GALNT13: variants seen among roughly 807,000 people sequenced by gnomAD.
The protein encoded by GALNT13 is polypeptide N-acetylgalactosaminyltransferase 13.
Under a neutral mutation model 64.2 loss-of-function variants are expected in GALNT13, and 28 were observed. The observed-to-expected ratio is 0.44, with a 90% confidence interval of 0.32 to 0.60. The LOEUF (loss-of-function observed/expected upper bound fraction) is 0.60. GALNT13 is among the 20% of genes least tolerant of loss of function. GALNT13 has a pLI of 0.05. For synonymous variants in GALNT13, 214 were observed against 224.6 expected (o/e 0.95, Z 0.42); for missense variants, 577 against 669.8 (o/e 0.86, Z 1.53).
the GALNT13 span, among the ~76,000 whole-genome samples, chr2:153,453,190 A>G: frequency 6.6e-6 from 1 of 152,184 alleles, no homozygotes; most frequent in Admixed American, 6.5e-5. Flanking sequence ...AGGAAACACA[A>G]TTCTGGATGT....
chr2:153,397,414 A>G, the GALNT13 span, among the ~76,000 whole-genome samples: 1 of 152,128 alleles, frequency 6.6e-6, no homozygotes, highest in African/African-American at 2.4e-5. Flanking sequence ...AAGAGCCTCC[A>G]TGGCAGGATT....
At chr2:154,068,280 C>G (rs1700567998) in intron 3 of GALNT13, among the ~76,000 whole-genome samples, 1 of 152,016 alleles carries the variant, frequency 6.6e-6, no homozygotes, top group East Asian at 1.9e-4. Flanking sequence ...TAAATTAATA[C>G]AAGTACTATG....
chr2:154,342,084 G>C (rs1466937740), intron 9 of GALNT13, among the ~76,000 whole-genome samples: 1 of 152,036 alleles, frequency 6.6e-6, no homozygotes, highest in African/African-American at 2.4e-5. Flanking sequence ...TGTTCAGTTT[G>C]AGATGTATTC....
intron 2 of GALNT13, among the ~76,000 whole-genome samples, chr2:153,916,248 C>A (rs1689338141): frequency 6.6e-6 from 1 of 151,378 alleles, no homozygotes; most frequent in Non-Finnish European, 1.5e-5. Flanking sequence ...GCCTTGACCT[C>A]TTGTACTCAA....
intron 9 of GALNT13, among the ~76,000 whole-genome samples, chr2:154,312,200 A>T: frequency 6.6e-5 from 1 of 15,202 alleles, no homozygotes; most frequent in Non-Finnish European, 3.5e-3. Flanking sequence ...AGGCATAAGA[A>T]ATTACAAAAG....
At chr2:153,875,745 ATAGAATTAAGCC>A (rs1382128431) in intron 1 of GALNT13, among the ~76,000 whole-genome samples, 1 of 152,190 alleles carries the variant, frequency 6.6e-6, no homozygotes, top group Non-Finnish European at 1.5e-5. Context: ...TAAAGTAGGA[ATAGAATTAAGCC>A]TTACTGTCTA....
the GALNT13 span, among the ~76,000 whole-genome samples, chr2:153,537,837 A>G: frequency 1.3e-5 from 2 of 152,186 alleles, no homozygotes; most frequent in Non-Finnish European, 2.9e-5. Flanking sequence ...ATGTTTCCTG[A>G]GGCCTCCTCA....
intron 3 of GALNT13, among the ~76,000 whole-genome samples, chr2:153,962,899 G>A (rs947564360): frequency 1.3e-5 from 2 of 152,134 alleles, no homozygotes; most frequent in Non-Finnish European, 2.9e-5. Flanking sequence ...GTACTACTCA[G>A]CATAAGTGTT....
chr2:153,099,778 T>C, the GALNT13 span, among the ~76,000 whole-genome samples: 1 of 152,196 alleles, frequency 6.6e-6, no homozygotes, highest in Non-Finnish European at 1.5e-5. Context: ...TGTTGTGCAT[T>C]AGGCAATTAA....
At chr2:153,398,236 T>A in the GALNT13 span, among the ~76,000 whole-genome samples, 1 of 152,186 alleles carries the variant, frequency 6.6e-6, no homozygotes, top group African/African-American at 2.4e-5. Flanking sequence ...CCCATGTCCC[T>A]ACAAAGGACA....
intron 9 of GALNT13, among the ~76,000 whole-genome samples, chr2:154,327,138 G>C (rs571762735): frequency 5.2e-4 from 79 of 151,532 alleles, no homozygotes; most frequent in African/African-American, 1.8e-3. Context: ...ATAATAGTGA[G>C]TGAGATCTCA....
At chr2:153,341,512 T>A in the GALNT13 span, among the ~76,000 whole-genome samples, 7 of 152,222 alleles carry the variant, frequency 4.6e-5, no homozygotes, top group Non-Finnish European at 8.8e-5. Flanking sequence ...TTACAGCATA[T>A]CAATGATTAG....
the GALNT13 span, among the ~76,000 whole-genome samples, chr2:153,562,199 A>G: frequency 6.6e-6 from 1 of 152,014 alleles, no homozygotes; most frequent in African/African-American, 2.4e-5. Context: ...ATGCTCATTT[A>G]CTAAAAAAAT....
At chr2:153,231,128 T>C in the GALNT13 span, among the ~76,000 whole-genome samples, 3 of 152,104 alleles carry the variant, frequency 2.0e-5, no homozygotes, top group African/African-American at 2.4e-5. Context: ...CTTTTTCACC[T>C]CTAGCTAATG....
chr2:153,898,978 G>A (rs1688057615), intron 1 of GALNT13, among the ~76,000 whole-genome samples: 1 of 152,000 alleles, frequency 6.6e-6, no homozygotes, highest in African/African-American at 2.4e-5. Flanking sequence ...GGAAGTAGAT[G>A]AGGGGCAACC....
chr2:154,267,506 C>T (rs1426805594), intron 8 of GALNT13, among the ~76,000 whole-genome samples: 2 of 151,652 alleles, frequency 1.3e-5, no homozygotes, highest in South Asian at 2.1e-4. Context: ...TGGGCGTGGT[C>T]GTGGGCGCCT....
chr2:153,281,851 G>A, the GALNT13 span, among the ~76,000 whole-genome samples: 1 of 150,122 alleles, frequency 6.7e-6, no homozygotes, highest in Non-Finnish European at 1.5e-5. Context: ...TTTGACTTTG[G>A]ACAGTCTGGT....
chr2:153,284,253 C>G, the GALNT13 span, among the ~76,000 whole-genome samples: 1 of 152,134 alleles, frequency 6.6e-6, no homozygotes, highest in Non-Finnish European at 1.5e-5. Flanking sequence ...CTGGCTGTAG[C>G]TCTTGTTGCT....
chr2:154,378,930 TTC>T (rs1252131941), intron 9 of GALNT13, among the ~76,000 whole-genome samples: 2 of 152,118 alleles, frequency 1.3e-5, no homozygotes, highest in East Asian at 1.9e-4. Context: ...GTCAAGACTC[TTC>T]TCTCTTCATT....
Sources: allele counts gnomAD v4.1 joint callset (sites outside exome capture counted in the v4.1 genomes callset), GRCh38; gene constraint gnomAD v4.1.1; transcripts MANE v1.5; gene names NCBI Gene and HGNC (gene_info 2026-07-23, HGNC 2026-07-21).